The following ABCD3 variants were observed in gnomAD, a reference collection of about 807,000 sequenced individuals.
ABCD3 encodes the protein ATP-binding cassette sub-family D member 3.
ABCD3 carries 41 observed loss-of-function variants against 105.5 expected under a neutral mutation model. That is an observed-to-expected ratio of 0.39 (90% CI 0.30 to 0.50). The LOEUF is 0.50. Among genes scored for constraint, ABCD3 ranks in the 20% least tolerant of loss-of-function variants. The probability of loss-of-function intolerance (pLI) is 0.84; values close to 1 mark genes in which losing one functional copy is unlikely to be tolerated. For missense variants in ABCD3, 622 were observed against 806.3 expected (o/e 0.77, Z 2.77); for synonymous variants, 258 against 269.0 (o/e 0.96, Z 0.40).
chr1:94,469,556 G>T (rs1339193459), intron 4 of ABCD3, among the ~76,000 whole-genome samples: 1 of 145,518 alleles, frequency 6.9e-6, no homozygotes, highest in Non-Finnish European at 1.5e-5. Context: ...ACAATACTGA[G>T]AAATCTTCTC....
chr1:94,432,418 T>C (rs1659718771), intron 1 of ABCD3, among the ~76,000 whole-genome samples: 1 of 152,212 alleles, frequency 6.6e-6, no homozygotes, highest in South Asian at 2.1e-4. Context: ...ATGGAGTTAA[T>C]GGAGTTATAT....
intron 1 of ABCD3, among the ~76,000 whole-genome samples, chr1:94,436,267 C>T (rs1194219485): frequency 6.6e-6 from 1 of 152,178 alleles, no homozygotes; most frequent in Non-Finnish European, 1.5e-5. Flanking sequence ...CTTCTATTTA[C>T]ATCTGTATCT....
intron 1 of ABCD3, among the ~76,000 whole-genome samples, chr1:94,447,257 C>G (rs1363873043): frequency 6.6e-6 from 1 of 152,164 alleles, no homozygotes; most frequent in Non-Finnish European, 1.5e-5. Context: ...CCTTGGAATT[C>G]ACCAGTTTTT....
chr1:94,507,577 C>G (rs1270776831), intron 21 of ABCD3, among the ~76,000 whole-genome samples: 1 of 151,370 alleles, frequency 6.6e-6, no homozygotes, highest in Non-Finnish European at 1.5e-5. Flanking sequence ...CTGACTTCCA[C>G]AATGGTTGAA....
intron 20 of ABCD3, among the ~76,000 whole-genome samples, 193 bp downstream of exon 20, chr1:94,499,807 C>G (rs1328279753): frequency 6.6e-6 from 1 of 152,066 alleles, no homozygotes; most frequent in South Asian, 2.1e-4. Flanking sequence ...TTCATAAATA[C>G]CCTGCCAGTA....
chr1:94,420,209 A>T (rs1659206535), intron 1 of ABCD3, among the ~76,000 whole-genome samples: 1 of 152,114 alleles, frequency 6.6e-6, no homozygotes, highest in African/African-American at 2.4e-5. Context: ...TGTAATCAGC[A>T]CCCAGATCAA....
Position 94,506,637 on chromosome 1 carries a change from C to G in ABCD3, c.1840C>G (p.Arg614Gly). The G allele has an allele frequency of 6.2e-7, 1 of 1,610,942 alleles. No individual in the cohort carries two copies. The highest frequency in any genetic ancestry group is 8.5e-7 in the Non-Finnish European group (1 of 1,177,754). Residue 614 changes from arginine to glycine, a missense_variant, in exon 21 of 23, where the codon CGA becomes GGA. Arg to Gly is a moderately radical substitution (Grantham distance 125, BLOSUM62 -2). Transcript: ENST00000370214. ...DVEGYIYSHC[R>G]KVGITLFTVS... ...GGAAGGCTACATTTATAGTCATTGTCGAAAGGTAAGTACGCAGGTGCTCAG... is the reference window on the plus strand; with the variant it reads ...GGAAGGCTACATTTATAGTCATTGTGGAAAGGTAAGTACGCAGGTGCTCAG...
chr1:94,458,704 T>C (rs1647713465), intron 2 of ABCD3, 61 bp downstream of exon 2: 2 of 1,508,982 alleles, frequency 1.3e-6, no homozygotes, highest in Admixed American at 3.4e-5. Flanking sequence ...TATTTTGTCA[T>C]ATGATTCTGA....
chr1:94,517,446 C>G lies in ABCD3; in HGVS notation c.*317C>G. The G allele has an allele frequency of 3.4e-6, 1 of 295,858 alleles. No individual in the cohort carries two copies. Among genetic ancestry groups the G allele is most frequent in the Non-Finnish European group, 6.5e-6 (1 of 154,098 alleles). The allele number at this position is 295,858 out of a possible 1,614,324, so 18.3% of individuals were successfully genotyped here. On this transcript the variant is annotated 3_prime_UTR_variant, in exon 23 of 23. Coordinates refer to ENST00000370214, the MANE Select transcript of ABCD3 (RefSeq NM_002858.4). ...GATTCATCCTGGGATGTAAACCATTCGAAGTCAGCTAATTGGACTTTTATG... is the reference window on the plus strand; with the variant it reads ...GATTCATCCTGGGATGTAAACCATTGGAAGTCAGCTAATTGGACTTTTATG...
chr1:94,465,905 C>T (rs968195981), intron 3 of ABCD3, among the ~76,000 whole-genome samples: 1 of 152,152 alleles, frequency 6.6e-6, no homozygotes, highest in Admixed American at 6.6e-5. Flanking sequence ...CCTTGTCACC[C>T]TTTTTGGTCA....
the ABCD3 span, among the ~76,000 whole-genome samples, chr1:94,409,373 A>G: frequency 6.6e-6 from 1 of 152,224 alleles, no homozygotes; most frequent in African/African-American, 2.4e-5. Flanking sequence ...AAAGTTAAAA[A>G]TTAAAATAAA....
chr1:94,406,337 T>C, the ABCD3 span: 1 of 209,942 alleles, frequency 4.8e-6, no homozygotes, highest in South Asian at 7.7e-5. Flanking sequence ...AGTATTTTGT[T>C]TTGTTTTTTT....
chr1:94,406,500 A>G, the ABCD3 span: 763 of 409,032 alleles, frequency 1.9e-3, 6 homozygotes, highest in African/African-American at 0.015. Context: ...CTTCAGTTGA[A>G]TCCAGGTACC....
intron 21 of ABCD3, among the ~76,000 whole-genome samples, chr1:94,508,685 T>G (rs1003614123): frequency 4.0e-4 from 60 of 150,884 alleles, no homozygotes; most frequent in African/African-American, 1.4e-3. Flanking sequence ...TGGTTTGTAG[T>G]TCTCCTTGAA....
intron 8 of ABCD3, chr1:94,478,685 TA>T: frequency 1.1e-6 from 1 of 933,322 alleles, no homozygotes; most frequent in Non-Finnish European, 1.5e-6. Context: ...CCCGCTTCTT[TA>T]AAAAATAATA....
chr1:94,479,332 T>G (rs1436836292), intron 8 of ABCD3, among the ~76,000 whole-genome samples: 1 of 152,206 alleles, frequency 6.6e-6, no homozygotes, highest in East Asian at 1.9e-4. Flanking sequence ...TGTCTACTTG[T>G]TATCTGATTC....
intron 5 of ABCD3, among the ~76,000 whole-genome samples, chr1:94,474,301 A>T (rs2100994334): frequency 6.6e-6 from 1 of 152,108 alleles, no homozygotes; most frequent in Non-Finnish European, 1.5e-5. Context: ...GCCATAAACT[A>T]TTACAGTAAC....
chr1:94,494,084 T>TA (rs1323247822), intron 16 of ABCD3, among the ~76,000 whole-genome samples: 5 of 152,014 alleles, frequency 3.3e-5, no homozygotes. Context: ...CCCTAAAACT[T>TA]AAAGTATAAT....
the ABCD3 span, among the ~76,000 whole-genome samples, chr1:94,412,042 C>T: frequency 5.1e-4 from 78 of 152,198 alleles, no homozygotes; most frequent in Admixed American, 2.2e-3. Context: ...TTTTCTTGTT[C>T]ATGATGAAAG....
Sources: gnomAD v4.1 joint callset for allele counts (sites outside exome capture counted in the v4.1 genomes callset) on GRCh38, gnomAD v4.1.1 for gene constraint, MANE v1.5 for transcripts, NCBI Gene and HGNC (gene_info 2026-07-23, HGNC 2026-07-21) for gene names.